Variants in CACNB2 observed in about 807,000 individuals in gnomAD.
CACNB2 encodes voltage-dependent L-type calcium channel subunit beta-2.
In CACNB2, 42 loss-of-function variants were observed where a neutral mutation model predicts 73.3. That is an observed-to-expected ratio of 0.57 (90% CI 0.45 to 0.74). The LOEUF (loss-of-function observed/expected upper bound fraction) is 0.74, where lower values mean the gene tolerates loss of function less well. CACNB2 is among the 30% of genes least tolerant of loss of function. The pLI, the probability that CACNB2 is intolerant of heterozygous loss-of-function variation, is 0.00. For synonymous variants in CACNB2, 348 were observed against 310.3 expected, an observed-to-expected ratio of 1.12 and a Z score of -1.28; for missense variants, 940 against 853.0, an observed-to-expected ratio of 1.10 and a Z score of -1.27.
chr10:18,533,506 C>T lies in CACNB2; in HGVS notation c.1055-570C>T, dbSNP rs373959824. Among the ~76,000 whole-genome samples, 14 of 152,274 alleles carry T rather than the reference C, an allele frequency of 9.2e-5. No individual in the cohort carries two copies. The East Asian group carries it at 2.3e-3, about 25-fold the overall frequency. ...ATTTCTGTAGTGCTGCCTCTGAAAA[C>T]TGCCCTTTTAAAACATGACTACTTT... On this transcript the variant is annotated intron_variant, in intron 10 of 13. Coordinates refer to ENST00000324631, the MANE Select transcript of CACNB2 (RefSeq NM_201596.3).
In CACNB2 at chr10:18,511,981, C is replaced by A. The variant is rs574844473; in HGVS notation, c.671-2255C>A. Among the ~76,000 whole-genome samples the A allele has an allele frequency of 2.0e-5, 3 of 152,262 alleles. No homozygotes were observed. In the South Asian group the frequency reaches 6.2e-4, roughly 32 times the overall value. ...GTTTTTTAATCTTAAAAATAAGAGC[C>A]TTGAAGTTGATCTTTATTTCCATCT... On this transcript the variant is annotated intron_variant, in intron 6 of 13. Coordinates refer to ENST00000324631, the MANE Select transcript of CACNB2 (RefSeq NM_201596.3).
At chr10:18,377,222 T>C (rs1448630336) in intron 2 of CACNB2, among the ~76,000 whole-genome samples, 2 of 152,180 alleles carry the variant, frequency 1.3e-5, no homozygotes, top group Non-Finnish European at 2.9e-5. Flanking sequence ...GGGGAGGAGA[T>C]TTCTTGTACT....
At chr10:18,455,310 C>T (rs943730871) in intron 3 of CACNB2, among the ~76,000 whole-genome samples, 5 of 152,102 alleles carry the variant, frequency 3.3e-5, no homozygotes, top group African/African-American at 1.2e-4. Flanking sequence ...GAAAGTGTTG[C>T]CTAAGACTTT....
chr10:18,496,345 G>A (rs1276352320), intron 3 of CACNB2, among the ~76,000 whole-genome samples: 1 of 152,092 alleles, frequency 6.6e-6, no homozygotes, highest in East Asian at 1.9e-4. Flanking sequence ...TCTTAAGTCA[G>A]TCTTAACCCA....
chr10:18,465,290 A>G (rs1355378865), intron 3 of CACNB2, among the ~76,000 whole-genome samples: 2 of 152,190 alleles, frequency 1.3e-5, no homozygotes, highest in African/African-American at 4.8e-5. Flanking sequence ...AGATCATGCC[A>G]CTGTGTTCCA....
At chr10:18,459,168 C>G (rs1344680105) in intron 3 of CACNB2, among the ~76,000 whole-genome samples, 1 of 152,140 alleles carries the variant, frequency 6.6e-6, no homozygotes, top group Non-Finnish European at 1.5e-5. Flanking sequence ...TAAAAACATA[C>G]AGTTTTGGCT....
intron 3 of CACNB2, among the ~76,000 whole-genome samples, chr10:18,443,160 G>A (rs74121219): frequency 0.015 from 2,282 of 151,620 alleles, 57 homozygotes; most frequent in African/African-American, 0.053. Flanking sequence ...TTTTAAGGGT[G>A]TGAGATATGC....
chr10:18,187,563 C>T (rs968148291), intron 2 of CACNB2, among the ~76,000 whole-genome samples: 1 of 151,902 alleles, frequency 6.6e-6, no homozygotes, highest in Non-Finnish European at 1.5e-5. Flanking sequence ...TAAGTCAAAA[C>T]ATAGAGGGTT....
intron 3 of CACNB2, among the ~76,000 whole-genome samples, chr10:18,402,319 G>T (rs1357912215): frequency 2.0e-5 from 3 of 149,954 alleles, no homozygotes; most frequent in African/African-American, 7.4e-5. Context: ...CCTTGAATTT[G>T]CCAAGAGGAA....
intron 6 of CACNB2, among the ~76,000 whole-genome samples, chr10:18,507,106 C>T (rs1166429069): frequency 6.6e-6 from 1 of 152,150 alleles, no homozygotes; most frequent in Admixed American, 6.6e-5. Flanking sequence ...GCCATATTAA[C>T]CTTTAATCCC....
At position 18,539,824 on chromosome 10, in the gene CACNB2, G is replaced by T; in HGVS notation, c.*100G>T. 8.4e-7 allele frequency: 1 copy of T among 1,186,344 alleles called. No individual in the cohort carries two copies. Among genetic ancestry groups the T allele is most frequent in the South Asian group, 1.4e-5 (1 of 72,048 alleles). The allele number at this position is 1,186,344 out of a possible 1,614,324, so 73.5% of individuals were successfully genotyped here. A position where few individuals can be genotyped will look rare whatever the true frequency, so the allele number is the denominator to read the frequency against. On this transcript the variant is annotated 3_prime_UTR_variant, in exon 14 of 14. Coordinates refer to ENST00000324631, the MANE Select transcript of CACNB2 (RefSeq NM_201596.3). Reference sequence around the variant, plus strand: ...TTTGGGGTCTACACTGCAATCATATGTGATCTGTCTTGTAATATTTTGTAT... The same window carrying T: ...TTTGGGGTCTACACTGCAATCATATTTGATCTGTCTTGTAATATTTTGTAT...
chr10:18,436,170 A>G (rs72786094), intron 3 of CACNB2, among the ~76,000 whole-genome samples: 5,692 of 152,350 alleles, frequency 0.037, 165 homozygotes, highest in Middle Eastern at 0.068. Context: ...TAACTCACAA[A>G]TAGTGAATTA....
chr10:18,450,165 A>G (rs537948937), intron 3 of CACNB2, among the ~76,000 whole-genome samples: 1 of 152,300 alleles, frequency 6.6e-6, no homozygotes, highest in Admixed American at 6.5e-5. Context: ...TTAAAGAATA[A>G]ACGGTAGGTA....
intron 3 of CACNB2, among the ~76,000 whole-genome samples, chr10:18,440,669 G>T (rs912696675): frequency 2.0e-5 from 3 of 152,112 alleles, no homozygotes; most frequent in African/African-American, 7.2e-5. Flanking sequence ...CTTCTGTGAA[G>T]GTGACATTTG....
chr10:18,184,715 C>A (rs2034068758), intron 2 of CACNB2, among the ~76,000 whole-genome samples: 1 of 115,664 alleles, frequency 8.6e-6, no homozygotes, highest in South Asian at 2.9e-4. Flanking sequence ...TCATTCGATT[C>A]AATTCAATTC....
At chr10:18,315,525 A>AAAC (rs2040144833) in intron 2 of CACNB2, among the ~76,000 whole-genome samples, 1 of 133,454 alleles carries the variant, frequency 7.5e-6, no homozygotes, top group Non-Finnish European at 1.6e-5. Context: ...AAAAAAAAAA[A>AAAC]AAACTTTTTT....
intron 2 of CACNB2, among the ~76,000 whole-genome samples, chr10:18,271,013 A>G (rs1282495922): frequency 6.6e-6 from 1 of 152,174 alleles, no homozygotes; most frequent in East Asian, 1.9e-4. Context: ...GCTCTCAGTC[A>G]GTCTATGAAG....
intron 2 of CACNB2, among the ~76,000 whole-genome samples, chr10:18,234,815 G>T (rs1239929914): frequency 6.6e-6 from 1 of 152,118 alleles, no homozygotes; most frequent in Non-Finnish European, 1.5e-5. Context: ...ACTATGATGT[G>T]AATGCACTTA....
At chr10:18,295,057 T>G (rs1358269101) in intron 2 of CACNB2, among the ~76,000 whole-genome samples, 1 of 152,196 alleles carries the variant, frequency 6.6e-6, no homozygotes, top group African/African-American at 2.4e-5. Flanking sequence ...TTATTTTTAT[T>G]TTTTTACCGA....
Sources: allele counts gnomAD v4.1 joint callset (sites outside exome capture counted in the v4.1 genomes callset), GRCh38; gene constraint gnomAD v4.1.1; transcripts MANE v1.5; gene names NCBI Gene and HGNC (gene_info 2026-07-23, HGNC 2026-07-21).